SPOCK1: variants seen among roughly 807,000 people sequenced by gnomAD.
SPOCK1 encodes testican-1.
SPOCK1 carries 23 observed loss-of-function variants against 55.3 expected under a neutral mutation model. That is an observed-to-expected ratio of 0.42 (90% CI 0.30 to 0.59). SPOCK1 has a LOEUF of 0.59. SPOCK1 is among the 20% of genes least tolerant of loss of function. The pLI is 0.22. For missense variants in SPOCK1, 499 were observed against 552.5 expected (o/e 0.90, Z 0.97); for synonymous variants, 226 against 221.0 (o/e 1.02, Z -0.20).
chr5:137,087,697 C>T lies in SPOCK1; in HGVS notation c.475-19868G>A, dbSNP rs566853951. Among the ~76,000 whole-genome samples the T allele has an allele frequency of 2.3e-3, 350 of 152,340 alleles. 2 individuals are homozygous for T. Among genetic ancestry groups the T allele is most frequent in the African/African-American group, 8.1e-3 (335 of 41,578 alleles). The stretch of plus-strand genomic sequence containing the variant: ...GCAGGGCCCTGGAGAGCACCAGGAC[C>T]TTGGTGTGCAGGATACACTGAGGTA... On this transcript the variant is annotated intron_variant, in intron 5 of 10. Coordinates refer to ENST00000394945, the MANE Select transcript of SPOCK1 (RefSeq NM_004598.4).
At chr5:137,175,497 C>G (rs1470377339) in intron 3 of SPOCK1, among the ~76,000 whole-genome samples, 4 of 152,150 alleles carry the variant, frequency 2.6e-5, no homozygotes, top group Non-Finnish European at 5.9e-5. Flanking sequence ...ATTTGATCTG[C>G]CAGTTCCTGG....
rs561178566 is a variant in SPOCK1 at position 137,411,222 on chromosome 5, G to C, written c.186+87151C>G. Reference sequence around the variant, plus strand: ...AACAGACAACTATTTAACCCAGTCTGAGATCTAGCCAAGACTTCCCAGATA... The same window carrying C: ...AACAGACAACTATTTAACCCAGTCTCAGATCTAGCCAAGACTTCCCAGATA... On this transcript the variant is annotated intron_variant, in intron 2 of 10. Coordinates refer to ENST00000394945, the MANE Select transcript of SPOCK1 (RefSeq NM_004598.4). Among the ~76,000 whole-genome samples, 10 of 152,282 alleles carry C rather than the reference G, an allele frequency of 6.6e-5. 1 individual carries two copies. The South Asian group carries it at 2.1e-3, about 32-fold the overall frequency.
chr5:137,364,277 A>G (rs1232040549), intron 2 of SPOCK1, among the ~76,000 whole-genome samples: 1 of 152,066 alleles, frequency 6.6e-6, no homozygotes, highest in Non-Finnish European at 1.5e-5. Flanking sequence ...TGCTTCATCA[A>G]CCTCAAAGCT....
intron 10 of SPOCK1, 138 bp downstream of exon 10, chr5:136,979,191 TTTC>T: frequency 7.9e-7 from 1 of 1,265,396 alleles, no homozygotes; most frequent in Non-Finnish European, 1.1e-6. Flanking sequence ...GCTCATGTGA[TTTC>T]AGGGTTACTA....
intron 3 of SPOCK1, among the ~76,000 whole-genome samples, chr5:137,254,415 T>C (rs1357470759): frequency 6.6e-6 from 1 of 152,202 alleles, no homozygotes; most frequent in Non-Finnish European, 1.5e-5. Context: ...AAAAAAAATT[T>C]ATAAACTCCA....
chr5:137,062,579 T>C (rs1752415025), intron 6 of SPOCK1, among the ~76,000 whole-genome samples: 1 of 150,716 alleles, frequency 6.6e-6, no homozygotes, highest in African/African-American at 2.4e-5. Context: ...CCTCAGACTT[T>C]CCTCATGGTT....
chr5:137,217,743 G>C (rs1374099331), intron 3 of SPOCK1, among the ~76,000 whole-genome samples: 1 of 152,156 alleles, frequency 6.6e-6, no homozygotes, highest in Admixed American at 6.5e-5. Context: ...TAAAACGCCT[G>C]ACTCAGTCAT....
At chr5:137,052,538 T>C (rs1055008061) in intron 6 of SPOCK1, among the ~76,000 whole-genome samples, 2 of 152,204 alleles carry the variant, frequency 1.3e-5, no homozygotes, top group Admixed American at 1.3e-4. Context: ...TAAAAATGCA[T>C]CCTATGAAAA....
At chr5:137,279,972 A>G (rs1757137326) in intron 2 of SPOCK1, among the ~76,000 whole-genome samples, 2 of 152,162 alleles carry the variant, frequency 1.3e-5, no homozygotes, top group South Asian at 4.1e-4. Flanking sequence ...ATAAGTAAAC[A>G]TCTTTCCCTC....
intron 2 of SPOCK1, among the ~76,000 whole-genome samples, chr5:137,429,175 A>G (rs562795678): frequency 6.6e-6 from 1 of 152,278 alleles, no homozygotes; most frequent in South Asian, 2.1e-4. Flanking sequence ...GTCTCCTTTC[A>G]GTTCCTGAAA....
intron 4 of SPOCK1, among the ~76,000 whole-genome samples, chr5:137,122,496 A>T (rs1401344279): frequency 6.6e-6 from 1 of 152,200 alleles, no homozygotes; most frequent in East Asian, 1.9e-4. Context: ...GACCTTTGGC[A>T]TTTTGGTTTG....
intron 2 of SPOCK1, among the ~76,000 whole-genome samples, chr5:137,417,443 A>G (rs1752362739): frequency 6.6e-6 from 1 of 151,200 alleles, no homozygotes; most frequent in Non-Finnish European, 1.5e-5. Context: ...ATTCACATAC[A>G]CTGTGTAACC....
chr5:137,488,380 A>T (rs1395191826), intron 2 of SPOCK1, among the ~76,000 whole-genome samples: 1 of 152,136 alleles, frequency 6.6e-6, no homozygotes, highest in Non-Finnish European at 1.5e-5. Context: ...CTGTCTTCAA[A>T]AAAAAAAGAA....
chr5:136,992,581 C>A lies in SPOCK1; in HGVS notation c.609G>T (p.Leu203Phe), dbSNP rs778458850. 6.2e-7 allele frequency: 1 copy of A among 1,613,676 alleles called. No homozygotes were observed. The highest frequency in any genetic ancestry group is 1.7e-5 in the Admixed American group (1 of 59,958). Reference sequence around the variant, plus strand: ...CCTTCAGCCGGGAGGCAAGGTTCCGCAACTCCTTGTCTGTGCAGGCTAGAG... The same window carrying A: ...CCTTCAGCCGGGAGGCAAGGTTCCGAAACTCCTTGTCTGTGCAGGCTAGAG... ...AERSACTDKE[L>F]RNLASRLKDW... Residue 203 changes from leucine (L) to phenylalanine (F), a missense_variant, in exon 7 of 11, where the codon TTG becomes TTT. By Grantham distance (22) the Leu-to-Phe change is conservative (BLOSUM62 0). Coordinates refer to ENST00000394945, the MANE Select transcript of SPOCK1 (RefSeq NM_004598.4).
rs564835610 is a variant in SPOCK1, at chr5:137,044,681, T to C, written c.589+23034A>G. Among the ~76,000 whole-genome samples, 79 of 152,016 alleles carry C rather than the reference T, an allele frequency of 5.2e-4. 1 individual carries two copies. The highest frequency in any genetic ancestry group is 1.9e-3 in the African/African-American group (78 of 41,486). On this transcript the variant is annotated intron_variant, in intron 6 of 10. Coordinates refer to ENST00000394945, the MANE Select transcript of SPOCK1 (RefSeq NM_004598.4). ...ATTATACTTTAAGTTTTAGGGTACA[T>C]GTGCACATTGTGCAGGTTAGTTACA...
chr5:137,122,250 C>T (rs1318277824), intron 4 of SPOCK1, among the ~76,000 whole-genome samples: 1 of 114,182 alleles, frequency 8.8e-6, no homozygotes, highest in Non-Finnish European at 1.8e-5. Context: ...TACACACACA[C>T]ACACACGCAC....
intron 2 of SPOCK1, among the ~76,000 whole-genome samples, chr5:137,329,828 C>T (rs972817433): frequency 6.6e-6 from 1 of 152,178 alleles, no homozygotes; most frequent in Non-Finnish European, 1.5e-5. Flanking sequence ...GGTCTCCTCA[C>T]CTAAATGAAT....
chr5:137,219,940 G>T (rs550711112), intron 3 of SPOCK1, among the ~76,000 whole-genome samples: 1 of 152,306 alleles, frequency 6.6e-6, no homozygotes, highest in Non-Finnish European at 1.5e-5. Flanking sequence ...CCTTTCTAGA[G>T]CCATGGCCTT....
intron 2 of SPOCK1, among the ~76,000 whole-genome samples, chr5:137,417,379 G>T: frequency 6.8e-6 from 1 of 146,120 alleles, no homozygotes; most frequent in East Asian, 2.0e-4. Flanking sequence ...ATTTTACTGA[G>T]GAAAAATTAC....
Sources: gnomAD v4.1 joint callset for allele counts (sites outside exome capture counted in the v4.1 genomes callset) on GRCh38, gnomAD v4.1.1 for gene constraint, MANE v1.5 for transcripts, NCBI Gene and HGNC (gene_info 2026-07-23, HGNC 2026-07-21) for gene names.